TMEM40: variants seen among roughly 807,000 people sequenced by gnomAD.
TMEM40 encodes the protein transmembrane protein 40.
Under a neutral mutation model 40.8 loss-of-function variants are expected in TMEM40, and 34 were observed. The observed-to-expected ratio is 0.83, with a 90% CI of 0.63 to 1.11. The LOEUF is 1.11. Among genes scored for constraint, TMEM40 ranks in the 50% least tolerant of loss-of-function variants. The probability of loss-of-function intolerance (pLI) is 0.00; values close to 1 mark genes in which losing one functional copy is unlikely to be tolerated. For missense variants in TMEM40, 296 were observed against 280.2 expected (o/e 1.06, Z -0.40); for synonymous variants, 106 against 107.0 (o/e 0.99, Z 0.06).
chr3:12,739,240 T>C (rs2061362515), intron 5 of TMEM40: 1 of 152,204 alleles, frequency 6.6e-6, no homozygotes, highest in South Asian at 2.1e-4. Context: ...TGTACTACTA[T>C]GTAAGAAAAG....
In TMEM40 at chr3:12,738,565, A is replaced by G; in HGVS notation, c.379T>C (p.Ser127Pro). The change falls in exon 6 of 12, where the codon TCT (serine) becomes CCT (proline). Residue 127 changes from serine (S) to proline (P), a missense_variant. By Grantham distance (74) the Ser-to-Pro change is moderately conservative. Coordinates refer to ENST00000314124, the MANE Select transcript of TMEM40 (RefSeq NM_018306.4). ...YGDAPGEVVP[S>P]GESGLRRRGS... ...ACTGGACACTCACCTGATTCCCCAG[A>G]GGGTACCACCTCTCCAGGAGCATCT... 2 of 1,614,044 alleles carry G rather than the reference A, an allele frequency of 1.2e-6. No individual in the cohort carries two copies. Among genetic ancestry groups the G allele is most frequent in the Non-Finnish European group, 1.7e-6 (2 of 1,180,006 alleles).
rs982244380 is a variant in TMEM40, at chr3:12,733,820, A to G, written c.*954T>C. ...AAAAAAGGGTATGTGAGGGATACAT[A>G]TGTTAATTAGCTTGATTTAGCCATT... On this transcript the variant is annotated 3_prime_UTR_variant, in exon 12 of 12. Transcript: ENST00000314124. The G allele has an allele frequency of 9.2e-5, 14 of 152,196 alleles. No individual in the cohort carries two copies. Among genetic ancestry groups the G allele is most frequent in the African/African-American group, 3.4e-4 (14 of 41,530 alleles). The allele number at this position is 152,196 out of a possible 1,614,324, so 9.4% of individuals were successfully genotyped here.
chr3:12,755,036 CTCCT>C (rs2061508616), intron 1 of TMEM40, among the ~76,000 whole-genome samples: 1 of 144,688 alleles, frequency 6.9e-6, no homozygotes, highest in African/African-American at 2.6e-5. Context: ...CCCTCCCTCC[CTCCT>C]TTCTTTCTTC....
intron 5 of TMEM40, among the ~76,000 whole-genome samples, chr3:12,739,765 A>C (rs2061367076): frequency 1.3e-5 from 2 of 151,988 alleles, no homozygotes; most frequent in African/African-American, 4.8e-5. Context: ...GAAATATTCA[A>C]ATGTGAAAAA....
At chr3:12,768,363 G>A (rs1331675861) in intron 1 of TMEM40, among the ~76,000 whole-genome samples, 1 of 138,066 alleles carries the variant, frequency 7.2e-6, no homozygotes, top group East Asian at 2.0e-4. Flanking sequence ...GGGGCAGCCT[G>A]CTTTTATTCT....
chr3:12,736,466 A>C (rs1177057657), intron 10 of TMEM40, 112 bp downstream of exon 10: 45 of 1,371,884 alleles, frequency 3.3e-5, no homozygotes, highest in Non-Finnish European at 4.4e-5. Context: ...TTTTTTTAAA[A>C]GTGTAGATTG....
intron 1 of TMEM40, among the ~76,000 whole-genome samples, chr3:12,750,142 C>CTT (rs386395973): frequency 3.0e-4 from 42 of 142,226 alleles, no homozygotes; most frequent in Admixed American, 1.1e-3. Flanking sequence ...TTTTCTTTTT[C>CTT]TTTTTTTTTT....
intron 7 of TMEM40, 31 bp downstream of exon 7, chr3:12,738,105 C>G: frequency 6.2e-7 from 1 of 1,613,032 alleles, no homozygotes; most frequent in Non-Finnish European, 8.5e-7. Flanking sequence ...CACACCCGCT[C>G]TGGCTCTCCT....
intron 1 of TMEM40, among the ~76,000 whole-genome samples, chr3:12,754,999 T>G (rs1416220322): frequency 6.6e-6 from 1 of 151,710 alleles, no homozygotes; most frequent in Non-Finnish European, 1.5e-5. Context: ...TTTCTCTTTC[T>G]TTCTCTTCCT....
intron 4 of TMEM40, among the ~76,000 whole-genome samples, chr3:12,742,801 A>G (rs2061394031): frequency 6.6e-6 from 1 of 152,198 alleles, no homozygotes; most frequent in Non-Finnish European, 1.5e-5. Context: ...CCAACACTGT[A>G]CTAAGTGATT....
At chr3:12,766,689 C>T (rs1274610567) in intron 1 of TMEM40, among the ~76,000 whole-genome samples, 2 of 152,202 alleles carry the variant, frequency 1.3e-5, no homozygotes, top group Non-Finnish European at 2.9e-5. Context: ...ATCGGCCACC[C>T]TCTGACACTG....
At chr3:12,737,953 C>A in intron 7 of TMEM40, 183 bp downstream of exon 7, 3 of 945,710 alleles carry the variant, frequency 3.2e-6, no homozygotes, top group South Asian at 2.9e-5. Context: ...CTTCCTTAGG[C>A]CCGAGTCTGC....
intron 8 of TMEM40, 37 bp downstream of exon 8, chr3:12,737,670 A>T (rs999305917): frequency 1.2e-6 from 2 of 1,608,746 alleles, no homozygotes; most frequent in African/African-American, 1.3e-5. Flanking sequence ...ATCTAGCCAG[A>T]CAGGAAAAAG....
chr3:12,745,724 CAGGCGTG>C (rs2061422226), intron 3 of TMEM40, among the ~76,000 whole-genome samples: 1 of 152,208 alleles, frequency 6.6e-6, no homozygotes, highest in South Asian at 2.1e-4. Context: ...GCTGGAATTA[CAGGCGTG>C]AGCCACTGTG....
At chr3:12,752,102 T>C (rs535547519) in intron 1 of TMEM40, among the ~76,000 whole-genome samples, 2 of 152,248 alleles carry the variant, frequency 1.3e-5, no homozygotes, top group Admixed American at 1.3e-4. Context: ...CTAGCTTTTG[T>C]TTTTTTGACA....
chr3:12,768,916 GC>G (rs1328259372), intron 1 of TMEM40, among the ~76,000 whole-genome samples: 8,661 of 96,978 alleles, frequency 0.089, 847 homozygotes, highest in African/African-American at 0.29. Flanking sequence ...GCGGGCCGGG[GC>G]CGGGGCCGGG....
At chr3:12,760,209 G>A (rs1196607473), upstream of TMEM40, among the ~76,000 whole-genome samples, 3 of 151,886 alleles carry the variant, frequency 2.0e-5, no homozygotes, top group African/African-American at 7.3e-5. Flanking sequence ...CCTGCTCCCC[G>A]CCTCGCCCCT....
At chr3:12,755,233 C>CTTTCTTTCTTTCTTTCTTTCTTTCTT (rs56969040) in intron 1 of TMEM40, among the ~76,000 whole-genome samples, 2 of 59,886 alleles carry the variant, frequency 3.3e-5, no homozygotes, top group African/African-American at 1.4e-4. Flanking sequence ...CTCTCTCTCT[C>CTTTCTTTCTTTCTTTCTTTCTTTCTT]TCTTTCTTTC....
intron 2 of TMEM40, among the ~76,000 whole-genome samples, 176 bp from the exon 3 acceptor site, chr3:12,748,968 G>T (rs1459644860): frequency 6.6e-6 from 1 of 152,196 alleles, no homozygotes; most frequent in African/African-American, 2.4e-5. Flanking sequence ...AGAGATGCCA[G>T]GGGCTCACGG....
Sources: allele counts gnomAD v4.1 joint callset (sites outside exome capture counted in the v4.1 genomes callset), GRCh38; gene constraint gnomAD v4.1.1; transcripts MANE v1.5; gene names NCBI Gene and HGNC (gene_info 2026-07-23, HGNC 2026-07-21).